The following PTPRQ variants were observed in gnomAD, a reference collection of about 807,000 sequenced individuals.
The protein encoded by PTPRQ is phosphatidylinositol phosphatase PTPRQ.
A neutral mutation model predicts 246.0 loss-of-function variants in PTPRQ; 199 were observed. That is an observed-to-expected ratio of 0.81 (90% CI 0.72 to 0.91). PTPRQ has a LOEUF of 0.91. PTPRQ is among the 40% of genes least tolerant of loss of function. The pLI, the probability that PTPRQ is intolerant of heterozygous loss-of-function variation, is 0.00. For synonymous variants in PTPRQ, 869 were observed against 853.2 expected (o/e 1.02, Z -0.32); for missense variants, 2,624 against 2,528.4 (o/e 1.04, Z -0.81).
intron 8 of PTPRQ, among the ~76,000 whole-genome samples, chr12:80,478,305 C>A (rs1592557462): frequency 6.6e-6 from 1 of 151,650 alleles, no homozygotes; most frequent in African/African-American, 2.4e-5. Flanking sequence ...TCCAACAGAC[C>A]TGCAGCTGAG....
chr12:80,659,297 TATGC>T (rs1407940049), intron 39 of PTPRQ, among the ~76,000 whole-genome samples: 3 of 152,088 alleles, frequency 2.0e-5, no homozygotes, highest in Admixed American at 2.0e-4. Flanking sequence ...GGTGAAATCT[TATGC>T]TTACAATTTC....
rs531210043 is a variant in PTPRQ at position 80,665,468 on chromosome 12, G to A, written c.6193-3539G>A. ...TAAAGTCATATATCTAATTGCCTTC[G>A]TGGCATTCCTACCTGAATATCTAAT... On this transcript the variant is annotated intron_variant, in intron 39 of 44. Coordinates refer to ENST00000644991, the MANE Select transcript of PTPRQ (RefSeq NM_001145026.2). Among the ~76,000 whole-genome samples the A allele has an allele frequency of 5.9e-4, 90 of 152,038 alleles. No individual in the cohort carries two copies. In the South Asian group the frequency reaches 0.017, roughly 29 times the overall value.
intron 8 of PTPRQ, among the ~76,000 whole-genome samples, chr12:80,477,572 G>T (rs757814264): frequency 6.6e-6 from 1 of 152,178 alleles, no homozygotes; most frequent in African/African-American, 2.4e-5. Context: ...AGCTCCCAGC[G>T]TGAACGACGC....
At chr12:80,536,307 A>T (rs551131849) in intron 19 of PTPRQ, among the ~76,000 whole-genome samples, 30 of 152,334 alleles carry the variant, frequency 2.0e-4, no homozygotes, top group African/African-American at 6.5e-4. Flanking sequence ...GCCCAAGTTT[A>T]GTCACTAGTT....
intron 35 of PTPRQ, among the ~76,000 whole-genome samples, chr12:80,644,091 C>T (rs1421264994): frequency 6.6e-6 from 1 of 152,172 alleles, no homozygotes. Context: ...TAGATTTCAA[C>T]TAATTGACCT....
chr12:80,631,822 G>A (rs542441688), intron 33 of PTPRQ, among the ~76,000 whole-genome samples: 2 of 152,140 alleles, frequency 1.3e-5, no homozygotes, highest in Non-Finnish European at 2.9e-5. Context: ...TACATGTTCA[G>A]TTTTGGACAT....
intron 25 of PTPRQ, among the ~76,000 whole-genome samples, chr12:80,549,956 G>C (rs566066500): frequency 3.0e-4 from 46 of 152,214 alleles, no homozygotes; most frequent in South Asian, 1.4e-3. Context: ...AAAAAAGAGA[G>C]ATGATCCTCT....
At chr12:80,676,642 A>G (rs1010378505) in intron 43 of PTPRQ, among the ~76,000 whole-genome samples, 1 of 152,076 alleles carries the variant, frequency 6.6e-6, no homozygotes, top group Non-Finnish European at 1.5e-5. Context: ...ACTCTGTTGC[A>G]AACAACAACA....
chr12:80,565,525 T>C (rs1307857283), intron 25 of PTPRQ, among the ~76,000 whole-genome samples: 1 of 152,246 alleles, frequency 6.6e-6, no homozygotes, highest in Admixed American at 6.5e-5. Context: ...ACTTCCCTTT[T>C]TAAGTAAATT....
chr12:80,449,211 T>G (rs959038890), intron 3 of PTPRQ, among the ~76,000 whole-genome samples: 1 of 151,676 alleles, frequency 6.6e-6, no homozygotes, highest in African/African-American at 2.4e-5. Context: ...CACCCACTTT[T>G]TGATGGGGTT....
At chr12:80,640,090 G>A (rs1014537861) in intron 35 of PTPRQ, among the ~76,000 whole-genome samples, 1 of 150,710 alleles carries the variant, frequency 6.6e-6, no homozygotes. Context: ...TACTAGAGAA[G>A]ATTAATGTAA....
At position 80,616,269 on chromosome 12, in the gene PTPRQ, A is replaced by G. The variant is rs1384260798; in HGVS notation, c.5230+3A>G. The G allele has an allele frequency of 6.8e-7, 1 of 1,475,222 alleles. No individual in the cohort carries two copies. Among genetic ancestry groups the G allele is most frequent in the Non-Finnish European group, 9.0e-7 (1 of 1,111,416 alleles). 91.4% of individuals were successfully genotyped at this position (1,475,222 alleles called of 1,614,324 possible). ...GAGAATAACCATGGATATCAAAGGTACATACATGAGCTACCTTCCTATGAA... is the reference window on the plus strand; with the variant it reads ...GAGAATAACCATGGATATCAAAGGTGCATACATGAGCTACCTTCCTATGAA... On this transcript the variant is annotated splice_donor_region_variant and intron_variant, in intron 30 of 44. Transcript: ENST00000644991.
chr12:80,506,182 AC>A lies in PTPRQ; in HGVS notation c.2433del (p.Ser812LeufsTer2), dbSNP rs1894954072. ...AAATGAGGAAAGAACTATAAATACA[AC>A]CTCTTTAACCCAAAACATTAAAGGT... Reference protein sequence around the residue: ...NGNEERTINTTSLTQNIKVLK... With the variant: ...NGNEERTINTXSLTQNIKVLK... On this transcript the variant is annotated frameshift_variant, in exon 15 of 45. Transcript: ENST00000644991. LOFTEE classifies it high-confidence loss of function. 1 of 1,504,354 alleles carries A rather than the reference AC, an allele frequency of 6.6e-7. No homozygotes were observed. Among genetic ancestry groups the A allele is most frequent in the Non-Finnish European group, 8.9e-7 (1 of 1,128,466 alleles). The allele number at this position is 1,504,354 out of a possible 1,614,324, so 93.2% of individuals were successfully genotyped here. A position where few individuals can be genotyped will look rare whatever the true frequency, so the allele number is the denominator to read the frequency against.
chr12:80,444,527 G>A (rs756143041), intron 1 of PTPRQ, 128 bp downstream of exon 1: 5 of 710,792 alleles, frequency 7.0e-6, no homozygotes, highest in South Asian at 3.5e-5. Flanking sequence ...CTGTGATAAC[G>A]CAGTACGTTT....
intron 27 of PTPRQ, among the ~76,000 whole-genome samples, chr12:80,605,429 A>T (rs1241427195): frequency 6.6e-6 from 1 of 151,286 alleles, no homozygotes; most frequent in Non-Finnish European, 1.5e-5. Flanking sequence ...AATAAATATA[A>T]GATATTAGTA....
chr12:80,476,835 T>A (rs902777180), intron 8 of PTPRQ, among the ~76,000 whole-genome samples: 1 of 152,230 alleles, frequency 6.6e-6, no homozygotes, highest in Admixed American at 6.5e-5. Context: ...TTTCTCTTTC[T>A]TAAAAGTTTT....
intron 35 of PTPRQ, among the ~76,000 whole-genome samples, chr12:80,635,811 A>G (rs1003195568): frequency 6.6e-6 from 1 of 152,166 alleles, no homozygotes; most frequent in Non-Finnish European, 1.5e-5. Flanking sequence ...TAACGTTTGC[A>G]TTTTTATAAG....
intron 26 of PTPRQ, among the ~76,000 whole-genome samples, chr12:80,600,082 G>T (rs1302947543): frequency 6.6e-6 from 1 of 151,778 alleles, no homozygotes; most frequent in Non-Finnish European, 1.5e-5. Flanking sequence ...AAAAAATGAA[G>T]AAAGAAGGGA....
intron 3 of PTPRQ, among the ~76,000 whole-genome samples, chr12:80,451,138 C>T (rs1448450156): frequency 1.1e-4 from 17 of 152,144 alleles, no homozygotes; most frequent in Admixed American, 2.0e-4. Context: ...TTTATCCATT[C>T]CTTCTAGATT....
Sources: allele counts gnomAD v4.1 joint callset (sites outside exome capture counted in the v4.1 genomes callset), GRCh38; gene constraint gnomAD v4.1.1; transcripts MANE v1.5; gene names NCBI Gene and HGNC (gene_info 2026-07-23, HGNC 2026-07-21).